Variants in ZSCAN5B observed in about 807,000 individuals in gnomAD.
ZSCAN5B encodes the protein zinc finger and SCAN domain containing 5B.
Under a neutral mutation model 25.2 loss-of-function variants are expected in ZSCAN5B, and 26 were observed. That is an observed-to-expected ratio of 1.03 (90% confidence interval 0.76 to 1.43). ZSCAN5B has a LOEUF of 1.43. ZSCAN5B is among the 40% of genes most tolerant of loss of function. The pLI, the probability that ZSCAN5B is intolerant of heterozygous loss-of-function variation, is 0.00. For missense variants in ZSCAN5B, 745 were observed against 622.1 expected (o/e 1.20, Z -2.10); for synonymous variants, 244 against 240.9 (o/e 1.01, Z -0.12).
chr19:56,190,093 C>T lies in ZSCAN5B; in HGVS notation c.1222G>A (p.Glu408Lys), dbSNP rs777025790. The change falls in exon 5 of 5, where the codon GAG becomes AAG. Residue 408 changes from glutamate to lysine, a missense_variant. Glu to Lys is a moderately conservative substitution (Grantham distance 56, BLOSUM62 1). Transcript: ENST00000586855. ...CAGACGTCACACATGTAGGGCCTCT[C>T]GCCAGTGTGGACTCGCTGGTGAACT... 33 of 1,613,898 alleles carry T rather than the reference C, an allele frequency of 2.0e-5. No individual in the cohort carries two copies. The highest frequency in any genetic ancestry group is 1.1e-4 in the South Asian group (10 of 91,082).
chr19:56,192,695 G>T, exon 2 of ZSCAN5B: 1 of 1,590,840 alleles, frequency 6.3e-7, no homozygotes, highest in Admixed American at 1.7e-5. Flanking sequence ...CTGTTATTTC[G>T]TAGCAGGTCC....
exon 5 of ZSCAN5B, chr19:56,190,331 C>T (rs1351649304): frequency 1.2e-6 from 2 of 1,614,042 alleles, no homozygotes; most frequent in Middle Eastern, 1.6e-4. Context: ...CTGGATTGAT[C>T]TCAGCTTGTC....
intron 1 of ZSCAN5B, among the ~76,000 whole-genome samples, chr19:56,197,235 C>G (rs910364420): frequency 1.3e-5 from 2 of 151,084 alleles, no homozygotes; most frequent in Non-Finnish European, 2.9e-5. Flanking sequence ...TGCAATGGCG[C>G]GACCTCGGCT....
At chr19:56,192,177 A>G (rs992408186) in intron 2 of ZSCAN5B, 124 bp from the exon 3 acceptor site, 32 of 940,026 alleles carry the variant, frequency 3.4e-5, no homozygotes, top group Non-Finnish European at 4.8e-5. Flanking sequence ...TTCCTGATGC[A>G]GAATCAGCTC....
At chr19:56,189,803 G>A (rs1364635038) in exon 5 of ZSCAN5B, 1 of 1,585,482 alleles carries the variant, frequency 6.3e-7, no homozygotes, top group Non-Finnish European at 8.6e-7. Flanking sequence ...TCTTGGGGTG[G>A]AGGATGTGGA....
Position 56,190,920 on chromosome 19 carries a change from T to C in ZSCAN5B, c.656A>G (p.Gln219Arg), listed in dbSNP as rs371929091. Reference sequence around the variant, plus strand: ...TTCCTTCAGATCCTTCTCCAAGGTCTGCTTGGGTCTCGGAGAGTTTGGGTC... The same window carrying C: ...TTCCTTCAGATCCTTCTCCAAGGTCCGCTTGGGTCTCGGAGAGTTTGGGTC... Residue 219 changes from glutamine to arginine, a missense_variant, in exon 4 of 5, where the codon CAG becomes CGG. Transcript: ENST00000586855. 3.3e-5 allele frequency: 54 copies of C among 1,614,062 alleles called. No homozygotes were observed. The highest frequency in any genetic ancestry group is 1.0e-4 in the Admixed American group (6 of 59,996).
rs1053929394 is a variant in ZSCAN5B at position 56,193,184 on chromosome 19, AG to A, written c.-127-6del. On this transcript the variant is annotated splice_polypyrimidine_tract_variant and splice_region_variant and intron_variant, in intron 1 of 4. Transcript: ENST00000586855. ...ATTCACAGTTTGTTCAGAAGTCTGC[AG>A]GAAAAAAGCATGAGCCCGATTATTT... 2.6e-6 allele frequency: 3 copies of A among 1,137,334 alleles called. No homozygotes were observed. Among genetic ancestry groups the A allele is most frequent in the Non-Finnish European group, 2.4e-6 (2 of 834,740 alleles). 70.5% of individuals were successfully genotyped at this position (1,137,334 alleles called of 1,614,324 possible). A position where few individuals can be genotyped will look rare whatever the true frequency, so the allele number is the denominator to read the frequency against.
intron 1 of ZSCAN5B, among the ~76,000 whole-genome samples, chr19:56,195,248 A>G (rs1291154352): frequency 1.3e-5 from 2 of 151,794 alleles, no homozygotes; most frequent in Admixed American, 1.3e-4. Context: ...CACACATCTC[A>G]CAGGGCTCCT....
intron 1 of ZSCAN5B, 23 bp from the exon 2 acceptor site, chr19:56,193,202 C>T (rs559233044): frequency 2.0e-4 from 189 of 960,768 alleles, no homozygotes; most frequent in Non-Finnish European, 2.6e-4. Context: ...AGCATGAGCC[C>T]GATTATTTTA....
chr19:56,189,785 T>A (rs774131041), exon 5 of ZSCAN5B: 5 of 1,555,460 alleles, frequency 3.2e-6, no homozygotes, highest in Admixed American at 1.9e-5. Flanking sequence ...AAACCATCAT[T>A]CACTGTCTCT....
intron 2 of ZSCAN5B, among the ~76,000 whole-genome samples, chr19:56,192,421 G>T (rs921899417): frequency 6.6e-6 from 1 of 152,166 alleles, no homozygotes; most frequent in East Asian, 1.9e-4. Flanking sequence ...CTCAGGATGG[G>T]ACTTCTGGGC....
intron 1 of ZSCAN5B, among the ~76,000 whole-genome samples, 165 bp downstream of exon 1, chr19:56,197,569 C>G (rs981338629): frequency 2.0e-5 from 3 of 152,154 alleles, no homozygotes; most frequent in Non-Finnish European, 4.4e-5. Flanking sequence ...TTTACAGAAG[C>G]ACTTCATCGC....
chr19:56,195,041 G>T (rs955568650), intron 1 of ZSCAN5B, among the ~76,000 whole-genome samples: 9 of 152,174 alleles, frequency 5.9e-5, no homozygotes, highest in Non-Finnish European at 1.3e-4. Flanking sequence ...AGACACAGGT[G>T]GGGGAAGCAA....
Position 56,190,156 on chromosome 19 carries a change from GATCAC to G in ZSCAN5B, c.1154_1158del (p.Cys385SerfsTer28). The G allele has an allele frequency of 6.2e-7, 1 of 1,614,060 alleles. No homozygotes were observed. Among genetic ancestry groups the G allele is most frequent in the Non-Finnish European group, 8.5e-7 (1 of 1,179,916 alleles). On this transcript the variant is annotated frameshift_variant, in exon 5 of 5. Transcript: ENST00000586855. LOFTEE classifies it low-confidence loss of function (END_TRUNC). ...GGCTGCAAGAAGCGCTTCCGACAGAGATCACATTGAAAGGGTCTGTCTCCTGTGTG... is the reference window on the plus strand; with the variant it reads ...GGCTGCAAGAAGCGCTTCCGACAGAGATTGAAAGGGTCTGTCTCCTGTGTG...
rs993890463 is a variant in ZSCAN5B, at chr19:56,191,457, C to G, written c.588+393G>C. Among the ~76,000 whole-genome samples, 10 of 152,200 alleles carry G rather than the reference C, an allele frequency of 6.6e-5. No individual in the cohort carries two copies. The South Asian group carries it at 1.2e-3, about 19-fold the overall frequency. ...AAATGTGTCCTTAAAGGCAAAATCA[C>G]CAGTTGAGAAACACTCCTCAAATTA... is the stretch of plus-strand genomic sequence containing the variant. On this transcript the variant is annotated intron_variant, in intron 3 of 4. Transcript: ENST00000586855.
exon 5 of ZSCAN5B, chr19:56,189,874 T>C: frequency 6.2e-7 from 1 of 1,613,836 alleles, no homozygotes. Context: ...CGCTTGAATG[T>C]CCCCAGCTGA....
chr19:56,195,879 G>C (rs1013800300), intron 1 of ZSCAN5B, among the ~76,000 whole-genome samples: 1 of 151,840 alleles, frequency 6.6e-6, no homozygotes, highest in Admixed American at 6.6e-5. Flanking sequence ...TTTTAAACTT[G>C]CAGCAGTGTC....
At chr19:56,190,123 G>A (rs1004237302) in exon 5 of ZSCAN5B, 2 of 1,613,894 alleles carry the variant, frequency 1.2e-6, no homozygotes, top group African/African-American at 2.7e-5. Context: ...TGAACTCGGA[G>A]GTCTGAGGGC....
chr19:56,196,051 G>A (rs1392391881), intron 1 of ZSCAN5B, among the ~76,000 whole-genome samples: 2 of 152,026 alleles, frequency 1.3e-5, no homozygotes, highest in East Asian at 1.9e-4. Context: ...TTTTTATTTC[G>A]TTTTATTGAT....
Sources: allele counts gnomAD v4.1 joint callset (sites outside exome capture counted in the v4.1 genomes callset), GRCh38; gene constraint gnomAD v4.1.1; transcripts MANE v1.5; gene names NCBI Gene and HGNC (gene_info 2026-07-23, HGNC 2026-07-21).